MTMR7: variants seen among roughly 807,000 people sequenced by gnomAD.
MTMR7 encodes myotubularin related protein 7, also known as phosphatidylinositol-3-phosphate phosphatase MTMR7.
A neutral mutation model predicts 81.2 loss-of-function variants in MTMR7; 76 were observed. The ratio of observed to expected loss-of-function variants is 0.94; its 90% CI spans 0.78 to 1.13. MTMR7 has a LOEUF of 1.13. Ranked by LOEUF, MTMR7 falls within the 50% of genes most tolerant of loss-of-function variation. MTMR7 has a pLI of 0.00. For synonymous variants in MTMR7, 372 were observed against 289.8 expected (o/e 1.28, Z -2.88); for missense variants, 1,044 against 820.0 (o/e 1.27, Z -3.34).
intron 1 of MTMR7, among the ~76,000 whole-genome samples, chr8:17,385,080 CAATT>C (rs1261097864): frequency 1.3e-5 from 2 of 152,168 alleles, no homozygotes; most frequent in African/African-American, 2.4e-5. Context: ...CTGCCTAAAA[CAATT>C]AATTCTTCAA....
At chr8:17,364,460 G>C (rs187587472) in intron 3 of MTMR7, among the ~76,000 whole-genome samples, 3 of 152,094 alleles carry the variant, frequency 2.0e-5, no homozygotes, top group Non-Finnish European at 4.4e-5. Flanking sequence ...TTAGCGTTTC[G>C]AAATGTACAC....
chr8:17,306,049 G>C (rs1817433566), intron 10 of MTMR7, 92 bp from the exon 11 acceptor site: 3 of 954,376 alleles, frequency 3.1e-6, no homozygotes, highest in Non-Finnish European at 4.7e-6. Context: ...AGCAACCCTA[G>C]TTCCTAAATA....
In MTMR7 at chr8:17,304,568, C is replaced by A. The variant is rs201061683; in HGVS notation, c.1353-49G>T. 6.2e-4 allele frequency: 985 copies of A among 1,576,480 alleles called. 1 individual carries two copies. Among genetic ancestry groups the A allele is most frequent in the African/African-American group, 3.8e-3 (280 of 74,244 alleles). Reference sequence around the variant, plus strand: ...TAAATGACCTATTTTGGTGCTTACACACAGTAGATATGTTATATTAATGCT... The same window carrying A: ...TAAATGACCTATTTTGGTGCTTACAAACAGTAGATATGTTATATTAATGCT... On this transcript the variant is annotated intron_variant, in intron 11 of 13. Coordinates refer to ENST00000180173, the MANE Select transcript of MTMR7 (RefSeq NM_004686.5).
At chr8:17,413,128 G>T in intron 1 of MTMR7, 141 bp downstream of exon 1, 1 of 945,518 alleles carries the variant, frequency 1.1e-6, no homozygotes, top group Non-Finnish European at 1.6e-6. Flanking sequence ...GGATGCTCAG[G>T]CAATGCCTGC....
intron 1 of MTMR7, among the ~76,000 whole-genome samples, chr8:17,405,732 T>C (rs1298173421): frequency 4.6e-5 from 7 of 151,974 alleles, no homozygotes; most frequent in African/African-American, 1.5e-4. Flanking sequence ...ATCATCATAA[T>C]GTGGACTATG....
chr8:17,327,089 A>G (rs974613808), intron 7 of MTMR7, among the ~76,000 whole-genome samples: 5 of 152,218 alleles, frequency 3.3e-5, no homozygotes, highest in African/African-American at 1.2e-4. Context: ...TTTTGCTTAC[A>G]TTATACATAT....
chr8:17,354,180 G>C (rs1396765001), intron 4 of MTMR7, among the ~76,000 whole-genome samples: 1 of 152,128 alleles, frequency 6.6e-6, no homozygotes, highest in African/African-American at 2.4e-5. Flanking sequence ...AAACATTTCA[G>C]TGCTAAAATT....
intron 1 of MTMR7, among the ~76,000 whole-genome samples, chr8:17,401,922 A>C (rs1360542941): frequency 6.6e-6 from 1 of 152,164 alleles, no homozygotes; most frequent in Non-Finnish European, 1.5e-5. Flanking sequence ...TCTTATGGAT[A>C]AGTACCTTAT....
chr8:17,300,109 G>A lies in MTMR7; in HGVS notation c.1736C>T (p.Pro579Leu). 6.2e-7 allele frequency: 1 copy of A among 1,614,132 alleles called. No homozygotes were observed. Among genetic ancestry groups the A allele is most frequent in the Non-Finnish European group, 8.5e-7 (1 of 1,180,016 alleles). ...STSDNSIANT[P>L]QDYSGNMKSF... ...TTTCATATTCCCACTGTAATCCTGGGGAGTGTTGGCTATGCTGTTGTCTGA... is the reference window on the plus strand; with the variant it reads ...TTTCATATTCCCACTGTAATCCTGGAGAGTGTTGGCTATGCTGTTGTCTGA... Residue 579 changes from proline (P) to leucine (L), a missense_variant, in exon 14 of 14, where the codon CCC becomes CTC. Physicochemically the swap from Pro to Leu is moderately conservative, Grantham distance 98. Coordinates refer to ENST00000180173, the MANE Select transcript of MTMR7 (RefSeq NM_004686.5).
rs1436122108 is a variant in MTMR7 at position 17,297,892 on chromosome 8, T to C, written c.*1970A>G. ...TGTTACATAAATTATAATGTCTGTCTTGTAAAAAAGTTGAGGGGACTAAAA... is the reference window on the plus strand; with the variant it reads ...TGTTACATAAATTATAATGTCTGTCCTGTAAAAAAGTTGAGGGGACTAAAA... On this transcript the variant is annotated 3_prime_UTR_variant, in exon 14 of 14. Coordinates refer to ENST00000180173, the MANE Select transcript of MTMR7 (RefSeq NM_004686.5). 1 of 152,088 alleles carries C rather than the reference T, an allele frequency of 6.6e-6. No individual in the cohort carries two copies. Among genetic ancestry groups the C allele is most frequent in the African/African-American group, 2.4e-5 (1 of 41,460 alleles). 9.4% of individuals were successfully genotyped at this position (152,088 alleles called of 1,614,324 possible).
At chr8:17,361,561 A>C (rs1820062154) in intron 3 of MTMR7, among the ~76,000 whole-genome samples, 1 of 152,236 alleles carries the variant, frequency 6.6e-6, no homozygotes, top group Non-Finnish European at 1.5e-5. Context: ...CTTTAAAAGC[A>C]AATATATTTT....
chr8:17,384,543 G>A (rs2150574271), intron 1 of MTMR7, among the ~76,000 whole-genome samples: 1 of 152,242 alleles, frequency 6.6e-6, no homozygotes, highest in East Asian at 1.9e-4. Flanking sequence ...AATAGAGTAT[G>A]CAAAAAATAT....
At chr8:17,351,225 A>G (rs999412525) in intron 4 of MTMR7, among the ~76,000 whole-genome samples, 44 of 152,276 alleles carry the variant, frequency 2.9e-4, no homozygotes, top group African/African-American at 1.1e-3. Flanking sequence ...AAGGAACTGC[A>G]AAGTTTCATG....
chr8:17,408,146 T>G (rs1279726973), intron 1 of MTMR7, among the ~76,000 whole-genome samples: 3 of 59,452 alleles, frequency 5.0e-5, no homozygotes, highest in African/African-American at 9.8e-5. Flanking sequence ...ATCCCAGCAC[T>G]TTGGGAGGCC....
At chr8:17,309,226 G>A in intron 10 of MTMR7, 51 bp downstream of exon 10, 1 of 1,206,180 alleles carries the variant, frequency 8.3e-7, no homozygotes, top group Non-Finnish European at 1.2e-6. Context: ...GAAATTTTCA[G>A]AAACAGTGCT....
At chr8:17,301,180 G>C (rs1352316403) in intron 13 of MTMR7, among the ~76,000 whole-genome samples, 3 of 152,218 alleles carry the variant, frequency 2.0e-5, no homozygotes, top group Non-Finnish European at 4.4e-5. Flanking sequence ...GAGGAAAAGA[G>C]ATAGATAAAT....
At chr8:17,307,623 C>G (rs1817539489) in intron 10 of MTMR7, among the ~76,000 whole-genome samples, 1 of 152,150 alleles carries the variant, frequency 6.6e-6, no homozygotes, top group African/African-American at 2.4e-5. Flanking sequence ...ATAGCAAAGA[C>G]TTGGAACCAA....
chr8:17,297,279 A>AATC lies in MTMR7; in HGVS notation c.*2580_*2582dup, dbSNP rs200468158. 8 of 152,152 alleles carry AATC rather than the reference A, an allele frequency of 5.3e-5. No homozygotes were observed. The East Asian group carries it at 9.6e-4, about 18-fold the overall frequency. 9.4% of individuals were successfully genotyped at this position (152,152 alleles called of 1,614,324 possible). On this transcript the variant is annotated 3_prime_UTR_variant, in exon 14 of 14. Transcript: ENST00000180173. ...AATAGAAGAAAATTCTAAATCAATC[A>AATC]ATCAGTGAGATATAAACTAAACAGA...
chr8:17,382,762 C>T (rs1820798927), intron 1 of MTMR7, among the ~76,000 whole-genome samples: 1 of 152,058 alleles, frequency 6.6e-6, no homozygotes, highest in Non-Finnish European at 1.5e-5. Context: ...CAGACAGAGT[C>T]CTTTTTTTCT....
Sources: allele counts gnomAD v4.1 joint callset (sites outside exome capture counted in the v4.1 genomes callset), GRCh38; gene constraint gnomAD v4.1.1; transcripts MANE v1.5; gene names NCBI Gene and HGNC (gene_info 2026-07-23, HGNC 2026-07-21).